MYO3B: variants seen among roughly 807,000 people sequenced by gnomAD.
MYO3B encodes the protein myosin IIIB.
Under a neutral mutation model 174.6 loss-of-function variants are expected in MYO3B, and 156 were observed. The ratio of observed to expected loss-of-function variants is 0.89; its 90% CI spans 0.78 to 1.02. The LOEUF is 1.02. Ranked by LOEUF, MYO3B falls within the 50% of genes least tolerant of loss-of-function variation. The pLI, the probability that MYO3B is intolerant of heterozygous loss-of-function variation, is 0.00. For missense variants in MYO3B, 1,632 were observed against 1,639.4 expected (o/e 1.00, Z 0.08); for synonymous variants, 563 against 569.1 (o/e 0.99, Z 0.15).
chr2:170,442,901 A>G (rs112060539), intron 22 of MYO3B, among the ~76,000 whole-genome samples: 1 of 152,252 alleles, frequency 6.6e-6, no homozygotes, highest in South Asian at 2.1e-4. Flanking sequence ...CCAGTCTTTC[A>G]TTGATGGATG....
chr2:170,345,882 A>G (rs1294078256), intron 8 of MYO3B, among the ~76,000 whole-genome samples: 1 of 151,770 alleles, frequency 6.6e-6, no homozygotes, highest in Non-Finnish European at 1.5e-5. Context: ...TCTTAGGCCA[A>G]GAACTACCAG....
At chr2:170,614,263 GCT>G (rs1695307506) in intron 32 of MYO3B, among the ~76,000 whole-genome samples, 1 of 152,154 alleles carries the variant, frequency 6.6e-6, no homozygotes, top group South Asian at 2.1e-4. Flanking sequence ...TTGTAAGGTT[GCT>G]AGAGTATTAA....
At chr2:170,347,615 A>G (rs1422888509) in intron 8 of MYO3B, among the ~76,000 whole-genome samples, 1 of 152,092 alleles carries the variant, frequency 6.6e-6, no homozygotes, top group Non-Finnish European at 1.5e-5. Flanking sequence ...AAATAAAAAG[A>G]AAATAAATCA....
intron 32 of MYO3B, among the ~76,000 whole-genome samples, chr2:170,623,980 G>A (rs918524531): frequency 1.9e-4 from 29 of 152,136 alleles, no homozygotes; most frequent in Non-Finnish European, 3.2e-4. Flanking sequence ...CTGTAGCCTC[G>A]TAGTATAGTT....
chr2:170,404,525 G>A (rs1018206803), intron 20 of MYO3B, 125 bp downstream of exon 20: 25 of 898,936 alleles, frequency 2.8e-5, no homozygotes, highest in Non-Finnish European at 3.7e-5. Flanking sequence ...TAAGAATATA[G>A]GCCTTCTTTT....
In MYO3B at chr2:170,266,799, A is replaced by T. The variant is rs79462670; in HGVS notation, c.749+30663A>T. Among the ~76,000 whole-genome samples the T allele has an allele frequency of 3.7e-4, 57 of 152,364 alleles. 1 individual carries two copies. The highest frequency in any genetic ancestry group is 6.8e-3 in the Middle Eastern group (2 of 294). ...TCTTCTGATGGCAATAGAGTGAAAC[A>T]GTGGATAATGGAGGAATGACAACAC... On this transcript the variant is annotated intron_variant, in intron 7 of 34. Transcript: ENST00000408978.
intron 7 of MYO3B, among the ~76,000 whole-genome samples, chr2:170,332,530 C>T (rs933248004): frequency 2.6e-5 from 4 of 152,104 alleles, no homozygotes; most frequent in East Asian, 1.9e-4. Context: ...CAAAGTATTG[C>T]GAAGTCTTCA....
intron 30 of MYO3B, among the ~76,000 whole-genome samples, chr2:170,521,831 C>T (rs539753778): frequency 6.6e-6 from 1 of 152,182 alleles, no homozygotes; most frequent in African/African-American, 2.4e-5. Context: ...CTAAACCAAC[C>T]CCTTTCTCCC....
At chr2:170,609,423 GA>G (rs1208805647) in intron 32 of MYO3B, among the ~76,000 whole-genome samples, 1 of 152,188 alleles carries the variant, frequency 6.6e-6, no homozygotes, top group Non-Finnish European at 1.5e-5. Flanking sequence ...ACCCATCCAA[GA>G]TGTTCATAAC....
chr2:170,467,482 T>C (rs932553213), intron 25 of MYO3B, among the ~76,000 whole-genome samples: 1 of 151,986 alleles, frequency 6.6e-6, no homozygotes, highest in Non-Finnish European at 1.5e-5. Context: ...TATGTATGAA[T>C]GTGATTACAA....
chr2:170,296,462 C>T (rs2093629499), intron 7 of MYO3B, among the ~76,000 whole-genome samples: 1 of 152,210 alleles, frequency 6.6e-6, no homozygotes, highest in Non-Finnish European at 1.5e-5. Flanking sequence ...ATTTAGACGT[C>T]TCCATGTCAA....
At chr2:170,618,240 C>T (rs1334597319) in intron 32 of MYO3B, among the ~76,000 whole-genome samples, 1 of 152,122 alleles carries the variant, frequency 6.6e-6, no homozygotes, top group Non-Finnish European at 1.5e-5. Context: ...TCGATAGGAG[C>T]ATCCATCCAT....
intron 9 of MYO3B, among the ~76,000 whole-genome samples, chr2:170,377,375 T>C (rs2094301913): frequency 2.6e-5 from 4 of 152,236 alleles, no homozygotes; most frequent in Admixed American, 1.3e-4. Flanking sequence ...CCCCATCCTC[T>C]ACCTCATCTA....
intron 1 of MYO3B, among the ~76,000 whole-genome samples, chr2:170,193,895 G>A (rs1418584265): frequency 6.6e-6 from 1 of 151,932 alleles, no homozygotes; most frequent in Non-Finnish European, 1.5e-5. Flanking sequence ...GAAAAATGAG[G>A]AATTTTCACC....
rs139282999 is a variant in MYO3B at position 170,369,822 on chromosome 2, T to C, written c.971+445T>C. On this transcript the variant is annotated intron_variant, in intron 9 of 34. Coordinates refer to ENST00000408978, the MANE Select transcript of MYO3B (RefSeq NM_138995.5). ...CTGTAAAGTGATTTTGGAAAGATTA[T>C]GAGCTAAACACCGAAGGCTGTTTCT... Among the ~76,000 whole-genome samples, 69 of 152,342 alleles carry C rather than the reference T, an allele frequency of 4.5e-4. No homozygotes were observed. The East Asian group carries it at 0.012, about 27-fold the overall frequency.
intron 7 of MYO3B, among the ~76,000 whole-genome samples, chr2:170,270,258 A>T (rs1024744453): frequency 6.6e-6 from 1 of 152,214 alleles, no homozygotes; most frequent in Non-Finnish European, 1.5e-5. Flanking sequence ...TACAAAAACT[A>T]ACAGGAAGAG....
At chr2:170,352,516 T>C (rs1218494666) in intron 8 of MYO3B, among the ~76,000 whole-genome samples, 1 of 152,214 alleles carries the variant, frequency 6.6e-6, no homozygotes, top group East Asian at 1.9e-4. Flanking sequence ...TTTTGAATTA[T>C]CAGGCAGTCA....
intron 7 of MYO3B, among the ~76,000 whole-genome samples, chr2:170,288,487 A>G (rs2093573230): frequency 6.6e-6 from 1 of 151,904 alleles, no homozygotes; most frequent in African/African-American, 2.4e-5. Context: ...TTTTGCAGCT[A>G]TTATAAATGG....
At chr2:170,229,492 C>T (rs969940603) in intron 6 of MYO3B, among the ~76,000 whole-genome samples, 22 of 152,198 alleles carry the variant, frequency 1.4e-4, no homozygotes, top group African/African-American at 5.3e-4. Flanking sequence ...AACCTAATTA[C>T]ATTTTTAATG....
Sources: gnomAD v4.1 joint callset for allele counts (sites outside exome capture counted in the v4.1 genomes callset) on GRCh38, gnomAD v4.1.1 for gene constraint, MANE v1.5 for transcripts, NCBI Gene and HGNC (gene_info 2026-07-23, HGNC 2026-07-21) for gene names.